The following ST8SIA2 variants were observed in gnomAD, a reference collection of about 807,000 sequenced individuals.
The protein encoded by ST8SIA2 is ST8 alpha-N-acetyl-neuraminide alpha-2,8-sialyltransferase 2, also known as alpha-2,8-sialyltransferase 8B.
ST8SIA2 carries 22 observed loss-of-function variants against 37.6 expected under a neutral mutation model. That is an observed-to-expected ratio of 0.58 (90% CI 0.42 to 0.83). ST8SIA2 has a LOEUF of 0.83. ST8SIA2 is among the 40% of genes least tolerant of loss of function. The pLI, the probability that ST8SIA2 is intolerant of heterozygous loss-of-function variation, is 0.00. For synonymous variants in ST8SIA2, 205 were observed against 201.2 expected (o/e 1.02, Z -0.16); for missense variants, 382 against 484.7 (o/e 0.79, Z 1.99).
intron 1 of ST8SIA2, among the ~76,000 whole-genome samples, chr15:92,413,561 C>T (rs1041424176): frequency 3.3e-5 from 5 of 152,160 alleles, no homozygotes; most frequent in African/African-American, 9.7e-5. Flanking sequence ...GGGTAGTTTC[C>T]GCGCATCCTC....
At chr15:92,441,376 G>A (rs1172645122) in intron 4 of ST8SIA2, among the ~76,000 whole-genome samples, 4 of 152,196 alleles carry the variant, frequency 2.6e-5, no homozygotes, top group African/African-American at 9.6e-5. Context: ...GTGGAAGCAA[G>A]AAGGCAGATG....
intron 5 of ST8SIA2, among the ~76,000 whole-genome samples, chr15:92,447,864 G>A (rs1483847422): frequency 6.6e-6 from 1 of 152,204 alleles, no homozygotes; most frequent in Non-Finnish European, 1.5e-5. Context: ...ATCCCTGTCA[G>A]AGTAGGTCTG....
intron 1 of ST8SIA2, among the ~76,000 whole-genome samples, chr15:92,396,603 C>T (rs2049433218): frequency 6.6e-6 from 1 of 151,986 alleles, no homozygotes; most frequent in Non-Finnish European, 1.5e-5. Flanking sequence ...AAGCAATTCT[C>T]CTGTTTCAGC....
chr15:92,407,595 G>C (rs1457693318), intron 1 of ST8SIA2, among the ~76,000 whole-genome samples: 1 of 152,206 alleles, frequency 6.6e-6, no homozygotes, highest in African/African-American at 2.4e-5. Flanking sequence ...AGTGGATCTG[G>C]TGGCCTGCCC....
At chr15:92,438,813 G>A (rs1452463023) in intron 4 of ST8SIA2, among the ~76,000 whole-genome samples, 1 of 152,242 alleles carries the variant, frequency 6.6e-6, no homozygotes, top group African/African-American at 2.4e-5. Flanking sequence ...TAAATCAATG[G>A]AGGAGAGGGG....
chr15:92,400,059 ATCCCGC>A (rs2049458956), intron 1 of ST8SIA2, among the ~76,000 whole-genome samples: 1 of 152,188 alleles, frequency 6.6e-6, no homozygotes, highest in Non-Finnish European at 1.5e-5. Context: ...GCCTTTGCAC[ATCCCGC>A]TCCTGCTCTG....
At chr15:92,461,718 G>A (rs1050662492) in intron 5 of ST8SIA2, among the ~76,000 whole-genome samples, 1 of 152,226 alleles carries the variant, frequency 6.6e-6, no homozygotes, top group Non-Finnish European at 1.5e-5. Flanking sequence ...AGGTCTTGCA[G>A]AGTTTCTGAA....
intron 1 of ST8SIA2, among the ~76,000 whole-genome samples, chr15:92,412,344 G>T (rs1057486675): frequency 1.3e-5 from 2 of 152,068 alleles, no homozygotes; most frequent in Non-Finnish European, 2.9e-5. Context: ...TGGCAGAGGT[G>T]GGGAGGGGAA....
At chr15:92,439,670 T>C (rs1596243586) in intron 4 of ST8SIA2, among the ~76,000 whole-genome samples, 2 of 152,200 alleles carry the variant, frequency 1.3e-5, no homozygotes, top group Admixed American at 1.3e-4. Context: ...ATTGAAACGC[T>C]ACCACAGCCT....
chr15:92,423,500 G>GA (rs1474906336), intron 1 of ST8SIA2, among the ~76,000 whole-genome samples: 3 of 152,244 alleles, frequency 2.0e-5, no homozygotes, highest in Non-Finnish European at 1.5e-5. Flanking sequence ...AACTTAGACA[G>GA]AACAAATTTA....
chr15:92,426,417 C>T (rs756787930), intron 1 of ST8SIA2, among the ~76,000 whole-genome samples: 5 of 152,058 alleles, frequency 3.3e-5, no homozygotes, highest in Non-Finnish European at 5.9e-5. Flanking sequence ...AAGAGTTCAC[C>T]GGCAAAGAAA....
rs868786792 is a variant in ST8SIA2 at position 92,468,593 on chromosome 15, C to G, written c.*4208C>G. 6 of 152,696 alleles carry G rather than the reference C, an allele frequency of 3.9e-5. No homozygotes were observed. Among genetic ancestry groups the G allele is most frequent in the Non-Finnish European group, 8.8e-5 (6 of 68,064 alleles). The allele number at this position is 152,696 out of a possible 1,614,324, so 9.5% of individuals were successfully genotyped here. On this transcript the variant is annotated 3_prime_UTR_variant, in exon 6 of 6. Coordinates refer to ENST00000268164, the MANE Select transcript of ST8SIA2 (RefSeq NM_006011.4). The stretch of plus-strand genomic sequence containing the variant: ...GTATTATAGTTATTTGTGCACTTGT[C>G]CTTTGACTGTTCTTAGACTGTAAGC...
At chr15:92,442,423 C>T (rs971873818) in intron 4 of ST8SIA2, among the ~76,000 whole-genome samples, 17 of 152,162 alleles carry the variant, frequency 1.1e-4, no homozygotes, top group Non-Finnish European at 1.9e-4. Flanking sequence ...TTTCCTGCTT[C>T]ACCCCTCGTG....
At chr15:92,407,251 G>A (rs2049515208) in intron 1 of ST8SIA2, among the ~76,000 whole-genome samples, 1 of 152,162 alleles carries the variant, frequency 6.6e-6, no homozygotes, top group Non-Finnish European at 1.5e-5. Flanking sequence ...AAGGTGCCAG[G>A]GGTTTAGCCT....
intron 5 of ST8SIA2, among the ~76,000 whole-genome samples, chr15:92,462,133 A>G (rs1012697464): frequency 6.6e-6 from 1 of 152,158 alleles, no homozygotes; most frequent in Admixed American, 6.5e-5. Flanking sequence ...CGTGCCCGGG[A>G]GAATCGTGTT....
chr15:92,393,902 G>C lies in ST8SIA2; in HGVS notation c.-163G>C. The C allele has an allele frequency of 4.0e-6, 1 of 249,932 alleles. No individual in the cohort carries two copies. Among genetic ancestry groups the C allele is most frequent in the Non-Finnish European group, 7.1e-6 (1 of 139,910 alleles). The allele number at this position is 249,932 out of a possible 1,614,324, so 15.5% of individuals were successfully genotyped here. The stretch of plus-strand genomic sequence containing the variant: ...GCCTGAGCAACCCCTGCCTGTCGCT[G>C]CCGCTGCCGCTGCCGCTGCCGCCGC... On this transcript the variant is annotated 5_prime_UTR_variant, in exon 1 of 6. Transcript: ENST00000268164.
intron 1 of ST8SIA2, among the ~76,000 whole-genome samples, chr15:92,425,294 C>A (rs2141823927): frequency 6.6e-6 from 1 of 152,342 alleles, no homozygotes; most frequent in Admixed American, 6.5e-5. Flanking sequence ...GAATGATGGT[C>A]TTCCCTGTTC....
intron 4 of ST8SIA2, among the ~76,000 whole-genome samples, chr15:92,439,214 CT>C (rs55782555): frequency 0.61 from 93,229 of 151,832 alleles, 30,439 homozygotes; most frequent in African/African-American, 0.84. Context: ...TTGCAAAACT[CT>C]TTGTAAGTGT....
intron 1 of ST8SIA2, among the ~76,000 whole-genome samples, chr15:92,404,180 T>A (rs751740007): frequency 3.3e-5 from 5 of 152,222 alleles, no homozygotes; most frequent in Non-Finnish European, 4.4e-5. Flanking sequence ...ACTGACAAGT[T>A]CTTGCCAGAG....
Sources: gnomAD v4.1 joint callset for allele counts (sites outside exome capture counted in the v4.1 genomes callset) on GRCh38, gnomAD v4.1.1 for gene constraint, MANE v1.5 for transcripts, NCBI Gene and HGNC (gene_info 2026-07-23, HGNC 2026-07-21) for gene names.